The following MTM1 variants were observed in gnomAD, a reference collection of about 807,000 sequenced individuals.
MTM1 encodes myotubularin 1.
In MTM1, 9 loss-of-function variants were observed where a neutral mutation model predicts 52.1. The ratio of observed to expected loss-of-function variants is 0.17; its 90% CI spans 0.10 to 0.30. The LOEUF (loss-of-function observed/expected upper bound fraction) is 0.30. MTM1 is among the 10% of genes least tolerant of loss of function. The pLI is 1.00. For missense variants in MTM1, 277 were observed against 470.7 expected (o/e 0.59, Z 3.81); for synonymous variants, 136 against 163.8 (o/e 0.83, Z 1.29).
At chrX:150,663,184 A>G (rs2040251488) in intron 13 of MTM1, among the ~76,000 whole-genome samples, 1 of 112,464 alleles carries the variant, frequency 8.9e-6, no homozygotes, top group Non-Finnish European at 1.9e-5. Flanking sequence ...ATTTAATGGT[A>G]CAGTATCCTG....
chrX:150,635,533 TAGG>T (rs1172234307), intron 6 of MTM1, among the ~76,000 whole-genome samples: 2 of 112,309 alleles, frequency 1.8e-5, no homozygotes, highest in Non-Finnish European at 3.8e-5. Flanking sequence ...AATTTTGAAA[TAGG>T]AGCTTTAATT....
intron 14 of MTM1, among the ~76,000 whole-genome samples, chrX:150,664,472 ACCT>A (rs782014999): frequency 8.9e-6 from 1 of 112,379 alleles, no homozygotes; most frequent in Non-Finnish European, 1.9e-5. Flanking sequence ...TCTGTGCCCT[ACCT>A]CCTCACTGGA....
chrX:150,645,889 T>C lies in MTM1; in HGVS notation c.867+18T>C. The C allele has an allele frequency of 8.4e-7, 1 of 1,191,368 alleles. No individual in the cohort carries two copies. The highest frequency in any genetic ancestry group is 1.7e-5 in the African/African-American group (1 of 57,523). ...CCAACAAGGTGAGTGGACTTAATGA[T>C]GTGCTGGACACTTAGCTTACATATG... On this transcript the variant is annotated intron_variant, in intron 9 of 14. Transcript: ENST00000370396.
At chrX:150,636,791 A>G (rs2266851) in intron 6 of MTM1, among the ~76,000 whole-genome samples, 15,595 of 111,620 alleles carry the variant, frequency 0.14, 1,136 homozygotes, top group African/African-American at 0.29. Flanking sequence ...CCAAGTACTG[A>G]CCAGCGCAGT....
chrX:150,655,766 C>A (rs1024845988), intron 10 of MTM1, among the ~76,000 whole-genome samples: 3 of 111,805 alleles, frequency 2.7e-5, no homozygotes, highest in Non-Finnish European at 5.6e-5. Flanking sequence ...TTAGATGGCA[C>A]AAGTAAACTT....
chrX:150,605,974 C>T (rs112398189), intron 4 of MTM1, among the ~76,000 whole-genome samples: 1,408 of 108,020 alleles, frequency 0.013, 30 homozygotes, highest in African/African-American at 0.045. Context: ...ACAAGCACAG[C>T]CAAAAAGGAT....
chrX:150,643,539 A>G (rs181549144), intron 8 of MTM1, among the ~76,000 whole-genome samples: 3 of 111,807 alleles, frequency 2.7e-5, no homozygotes, highest in East Asian at 5.6e-4. Context: ...ACACACACAC[A>G]TATGTATATA....
chrX:150,663,469 A>G lies in MTM1; in HGVS notation c.1504A>G (p.Ile502Val). The G allele has an allele frequency of 1.7e-6, 2 of 1,209,645 alleles. No individual in the cohort carries two copies. The highest frequency in any genetic ancestry group is 5.9e-5 in the East Asian group (2 of 33,825). The change falls in exon 14 of 15, where the codon ATA (isoleucine) becomes GTA (valine). Residue 502 changes from isoleucine (I) to valine (V), a missense_variant. By Grantham distance (29) the Ile-to-Val change is conservative. This residue lies in a region of MTM1 where 59 missense variants were observed against 107.8 expected (regional missense o/e 0.55). Transcript: ENST00000370396. Reference protein sequence around the residue: ...TERTVSLWSLINSNKEKFKNP... With the variant: ...TERTVSLWSLVNSNKEKFKNP... ...AAGGACTGTTTCTTTATGGTCACTG[A>G]TAAACAGTAATAAAGAAAAATTCAA...
chrX:150,610,794 G>C (rs1444975247), intron 4 of MTM1, among the ~76,000 whole-genome samples: 1 of 111,977 alleles, frequency 8.9e-6, no homozygotes, highest in Non-Finnish European at 1.9e-5. Flanking sequence ...AGTTTCCTCT[G>C]TACAGAGACA....
chrX:150,671,482 T>C lies in MTM1; in HGVS notation c.1699T>C (p.Tyr567His). The change falls in exon 15 of 15, where the codon TAC becomes CAC. Residue 567 changes from tyrosine (Y) to histidine (H), a missense_variant. Coordinates refer to ENST00000370396, the MANE Select transcript of MTM1 (RefSeq NM_000252.3). ...GGAGCTCTTAGCCTTACGCGACGAATACATAAAGCGGCTTGAGGAACTGCA... is the reference window on the plus strand; with the variant it reads ...GGAGCTCTTAGCCTTACGCGACGAACACATAAAGCGGCTTGAGGAACTGCA... Reference protein sequence around the residue: ...YMELLALRDEYIKRLEELQLA... With the variant: ...YMELLALRDEHIKRLEELQLA... 8.3e-7 allele frequency: 1 copy of C among 1,210,987 alleles called. No individual in the cohort carries two copies. The highest frequency in any genetic ancestry group is 1.8e-5 in the South Asian group (1 of 56,936).
chrX:150,581,469 A>G (rs1433031656), intron 1 of MTM1, among the ~76,000 whole-genome samples: 1 of 111,842 alleles, frequency 8.9e-6, no homozygotes, highest in South Asian at 3.7e-4. Context: ...GACTAAGTGG[A>G]TACAAATAAA....
At chrX:150,614,069 T>C (rs1489135348) in intron 4 of MTM1, among the ~76,000 whole-genome samples, 1 of 112,023 alleles carries the variant, frequency 8.9e-6, no homozygotes, top group Non-Finnish European at 1.9e-5. Context: ...GAGGAAAAAG[T>C]GATGAATTCT....
At chrX:150,577,168 T>C (rs1411528288) in intron 1 of MTM1, among the ~76,000 whole-genome samples, 1 of 112,166 alleles carries the variant, frequency 8.9e-6, no homozygotes, top group African/African-American at 3.2e-5. Flanking sequence ...TGTTGCTGAG[T>C]AGTATTCCAT....
intron 6 of MTM1, among the ~76,000 whole-genome samples, chrX:150,633,886 T>G (rs1475777644): frequency 9.0e-6 from 1 of 111,305 alleles, no homozygotes; most frequent in Non-Finnish European, 1.9e-5. Context: ...CAAAAAAAAA[T>G]TAGCTGGGCG....
intron 14 of MTM1, among the ~76,000 whole-genome samples, chrX:150,664,943 T>C (rs1437448064): frequency 8.9e-6 from 1 of 111,916 alleles, no homozygotes. Context: ...TTTGGAGCAG[T>C]TCATTTCTGA....
In MTM1 at chrX:150,622,860, G is replaced by A. The variant is rs144069928; in HGVS notation, c.444+3721G>A. Among the ~76,000 whole-genome samples, 296 of 111,687 alleles carry A rather than the reference G, an allele frequency of 2.7e-3. 4 individuals are homozygous for A. The highest frequency in any genetic ancestry group is 9.3e-3 in the African/African-American group (286 of 30,735). On this transcript the variant is annotated intron_variant, in intron 6 of 14. Transcript: ENST00000370396. ...CAATGAGTTCTGTTTTGGACACATA[G>A]CATTTCATGTATTTTGACAGAATTG...
At chrX:150,593,607 G>C (rs1557412543) in intron 2 of MTM1, among the ~76,000 whole-genome samples, 3 of 111,691 alleles carry the variant, frequency 2.7e-5, no homozygotes, top group African/African-American at 9.8e-5. Flanking sequence ...GCAATCAGAA[G>C]GGAGCAAAAG....
intron 4 of MTM1, among the ~76,000 whole-genome samples, chrX:150,603,764 A>G (rs1471944640): frequency 8.9e-6 from 1 of 112,180 alleles, no homozygotes; most frequent in Non-Finnish European, 1.9e-5. Flanking sequence ...TTCTGAAGTC[A>G]TTAGCATATT....
intron 6 of MTM1, 130 bp from the exon 7 acceptor site, chrX:150,638,813 G>A (rs1179129271): frequency 4.0e-6 from 2 of 494,819 alleles, no homozygotes; most frequent in African/African-American, 4.7e-5. Context: ...GTTGTTATAA[G>A]CCTTGGTGTG....
Sources: allele counts gnomAD v4.1 joint callset (sites outside exome capture counted in the v4.1 genomes callset), GRCh38; gene constraint gnomAD v4.1.1; regional missense constraint gnomAD v4.1.1; transcripts MANE v1.5; gene names NCBI Gene and HGNC (gene_info 2026-07-23, HGNC 2026-07-21).